The following SSB variants were observed in gnomAD, a reference collection of about 807,000 sequenced individuals.
SSB encodes the protein small RNA binding exonuclease protection factor La.
A neutral mutation model predicts 52.9 loss-of-function variants in SSB; 17 were observed. That is an observed-to-expected ratio of 0.32 (90% confidence interval 0.22 to 0.48). The LOEUF (loss-of-function observed/expected upper bound fraction) is 0.48, where lower values mean the gene tolerates loss of function less well. Ranked by LOEUF, SSB falls within the 20% of genes least tolerant of loss-of-function variation. SSB has a pLI of 0.99. For synonymous variants in SSB, 111 were observed against 152.1 expected (o/e 0.73, Z 1.99); for missense variants, 314 against 463.6 (o/e 0.68, Z 2.96).
intron 2 of SSB, among the ~76,000 whole-genome samples, chr2:169,801,463 G>T (rs577998297): frequency 2.1e-5 from 3 of 141,662 alleles, no homozygotes; most frequent in African/African-American, 7.9e-5. Context: ...GATGATCTTA[G>T]TTTTTTTCTG....
Position 169,811,650 on chromosome 2 carries a change from T to TTAA in SSB, c.1139-16_1139-14dup. 1 of 1,600,612 alleles carries TTAA rather than the reference T, an allele frequency of 6.2e-7. No homozygotes were observed. The highest frequency in any genetic ancestry group is 8.5e-7 in the Non-Finnish European group (1 of 1,176,428). ...GTACTTACGTTGAATTTAACAAAAA[T>TTAA]TAATTGTTACGTTATAGGACCTGTG... On this transcript the variant is annotated splice_polypyrimidine_tract_variant and intron_variant, in intron 11 of 11. Coordinates refer to ENST00000260956, the MANE Select transcript of SSB (RefSeq NM_003142.5).
Position 169,810,273 on chromosome 2 carries a change from A to G in SSB, c.670-10A>G. ...AAGAAACTTTTTGATCACTTTGTAT[A>G]TTTTTATAGAAATCTCTAGAAGAAA... On this transcript the variant is annotated splice_polypyrimidine_tract_variant and intron_variant, in intron 8 of 11. Transcript: ENST00000260956. 6.3e-7 allele frequency: 1 copy of G among 1,593,598 alleles called. No homozygotes were observed. Among genetic ancestry groups the G allele is most frequent in the Non-Finnish European group, 8.5e-7 (1 of 1,173,382 alleles).
intron 2 of SSB, among the ~76,000 whole-genome samples, chr2:169,805,020 C>G (rs529746932): frequency 7.2e-5 from 11 of 152,042 alleles, no homozygotes; most frequent in Non-Finnish European, 1.3e-4. Context: ...ATCCCAGCTA[C>G]TCAGGAGGCT....
chr2:169,805,948 C>A, intron 4 of SSB, 109 bp downstream of exon 4: 1 of 1,072,004 alleles, frequency 9.3e-7, no homozygotes, highest in Non-Finnish European at 1.4e-6. Context: ...TATGTCCTTT[C>A]GTAATATTCT....
intron 3 of SSB, 36 bp from the exon 4 acceptor site, chr2:169,805,629 A>G (rs1264632157): frequency 6.2e-7 from 1 of 1,611,842 alleles, no homozygotes. Context: ...AATGAGTGCT[A>G]CTGCTGAGTC....
chr2:169,811,899 T>C lies in SSB; in HGVS notation c.*143T>C. 6.3e-7 allele frequency: 1 copy of C among 1,597,354 alleles called. No individual in the cohort carries two copies. Among genetic ancestry groups the C allele is most frequent in the Non-Finnish European group, 8.6e-7 (1 of 1,167,408 alleles). ...AATTTTTTTGTTGTTTAACTTGTCT[T>C]TTTGTTATGCAAATGAGATTTCTTT... On this transcript the variant is annotated 3_prime_UTR_variant, in exon 12 of 12. Coordinates refer to ENST00000260956, the MANE Select transcript of SSB (RefSeq NM_003142.5).
chr2:169,804,437 G>C (rs919046460), intron 2 of SSB, among the ~76,000 whole-genome samples: 1 of 151,296 alleles, frequency 6.6e-6, no homozygotes, highest in African/African-American at 2.4e-5. Context: ...TTTTTGGAGA[G>C]CTGGGGTCTT....
At chr2:169,799,160 G>T (rs1443521155) in intron 1 of SSB, 184 bp downstream of exon 1, 1 of 152,142 alleles carries the variant, frequency 6.6e-6, no homozygotes, top group African/African-American at 2.4e-5. Context: ...CGCGGGCGGC[G>T]GCGAGGCTGC....
intron 2 of SSB, among the ~76,000 whole-genome samples, chr2:169,803,714 G>C (rs939884693): frequency 1.7e-4 from 26 of 151,898 alleles, no homozygotes; most frequent in Non-Finnish European, 2.2e-4. Flanking sequence ...AACAAAGCAA[G>C]ACCCGATCCC....
chr2:169,807,506 C>G (rs1689853130), intron 6 of SSB, among the ~76,000 whole-genome samples: 1 of 152,106 alleles, frequency 6.6e-6, no homozygotes, highest in Non-Finnish European at 1.5e-5. Flanking sequence ...CCAGGCTGGT[C>G]TTGAACTCCT....
At chr2:169,804,680 G>A (rs1303920913) in intron 2 of SSB, among the ~76,000 whole-genome samples, 1 of 151,970 alleles carries the variant, frequency 6.6e-6, no homozygotes, top group African/African-American at 2.4e-5. Flanking sequence ...TGAGTAGCTG[G>A]GACTACAGGT....
rs543099066 is a variant in SSB, at chr2:169,802,645, CTT to C, written c.66+1621_66+1622del. 2.6e-3 allele frequency among the ~76,000 whole-genome samples: 397 copies of C among 152,300 alleles called. 2 individuals are homozygous for C. The highest frequency in any genetic ancestry group is 0.02 in the Middle Eastern group (6 of 294). On this transcript the variant is annotated intron_variant, in intron 2 of 11. Transcript: ENST00000260956. ...TTATCAAGGTTAAAAGCTTTTGACA[CTT>C]TGCTTCATGCTCATACTAATTTTTT...
chr2:169,810,693 G>T, intron 9 of SSB, 165 bp from the exon 10 acceptor site: 1 of 700,154 alleles, frequency 1.4e-6, no homozygotes. Context: ...ACTGATGATT[G>T]CAGTTTTACT....
chr2:169,806,624 A>G, intron 4 of SSB, 161 bp from the exon 5 acceptor site: 1 of 570,278 alleles, frequency 1.8e-6, no homozygotes, highest in East Asian at 2.9e-5. Context: ...ACTGGAGAGT[A>G]GTGGCTCCTA....
chr2:169,802,412 C>T (rs1689731276), intron 2 of SSB, among the ~76,000 whole-genome samples: 1 of 149,112 alleles, frequency 6.7e-6, no homozygotes, highest in African/African-American at 2.5e-5. Context: ...ATTCTCAGAA[C>T]TGCTTTTTTT....
chr2:169,807,401 G>A (rs1689851260), intron 6 of SSB, among the ~76,000 whole-genome samples: 1 of 151,884 alleles, frequency 6.6e-6, no homozygotes, highest in South Asian at 2.1e-4. Context: ...CGATTCTCCT[G>A]CCTCAGCCTC....
At chr2:169,806,941 T>A (rs771917892) in intron 5 of SSB, 30 bp from the exon 6 acceptor site, 1 of 1,610,460 alleles carries the variant, frequency 6.2e-7, no homozygotes, top group East Asian at 2.2e-5. Context: ...GGGACATAAC[T>A]TAAAAAAATA....
At chr2:169,808,246 G>A (rs1689868824) in intron 6 of SSB, among the ~76,000 whole-genome samples, 1 of 152,040 alleles carries the variant, frequency 6.6e-6, no homozygotes, top group African/African-American at 2.4e-5. Context: ...AACATTCAAG[G>A]TACACTTTAA....
Position 169,800,882 on chromosome 2 carries a change from T to C in SSB, c.-9-70T>C, listed in dbSNP as rs544640524. The C allele has an allele frequency of 1.1e-5, 13 of 1,197,860 alleles. No homozygotes were observed. The African/African-American group carries it at 1.9e-4, about 18-fold the overall frequency. 74.2% of individuals were successfully genotyped at this position (1,197,860 alleles called of 1,614,324 possible). Reference sequence around the variant, plus strand: ...AAGAAAACGGGATATTAATACTTTGTAAACATTATCTTTCTATTCTTGAGT... The same window carrying C: ...AAGAAAACGGGATATTAATACTTTGCAAACATTATCTTTCTATTCTTGAGT... On this transcript the variant is annotated intron_variant, in intron 1 of 11. Transcript: ENST00000260956.
Sources: gnomAD v4.1 joint callset for allele counts (sites outside exome capture counted in the v4.1 genomes callset) on GRCh38, gnomAD v4.1.1 for gene constraint, MANE v1.5 for transcripts, NCBI Gene and HGNC (gene_info 2026-07-23, HGNC 2026-07-21) for gene names.